Variants in ANKRD62 observed in about 807,000 individuals in gnomAD.
The protein encoded by ANKRD62 is ankyrin repeat domain 62.
ANKRD62 carries 61 observed loss-of-function variants against 98.8 expected under a neutral mutation model. That is an observed-to-expected ratio of 0.62 (90% CI 0.50 to 0.76). The LOEUF is 0.76. Ranked by LOEUF, ANKRD62 falls within the 30% of genes least tolerant of loss-of-function variation. The pLI, the probability that ANKRD62 is intolerant of heterozygous loss-of-function variation, is 0.00. For synonymous variants in ANKRD62, 341 were observed against 367.9 expected, an observed-to-expected ratio of 0.93 and a Z score of 0.84; for missense variants, 933 against 1,082.9, an observed-to-expected ratio of 0.86 and a Z score of 1.94.
At chr18:12,117,768 C>T (rs537128757) in intron 10 of ANKRD62, among the ~76,000 whole-genome samples, 1 of 152,232 alleles carries the variant, frequency 6.6e-6, no homozygotes, top group Admixed American at 6.5e-5. Context: ...CAAATAACAA[C>T]GATGTTTGAA....
Position 12,125,786 on chromosome 18 carries a change from A to G in ANKRD62, c.1965A>G (p.Ser655=). ...CAAGACTGGAAACAGAAATGGAATC[A>G]TACCGTTGTAGACTGGCTGCTGCCC... is the stretch of plus-strand genomic sequence containing the variant. ...SMSRLETEME[S]YRCRLAAALC... Residue 655 remains serine, a synonymous_variant, in exon 13 of 14, where the codon TCA becomes TCG. Coordinates refer to ENST00000587848, the MANE Select transcript of ANKRD62 (RefSeq NM_001277333.2). 1 of 1,549,352 alleles carries G rather than the reference A, an allele frequency of 6.5e-7. No homozygotes were observed. Among genetic ancestry groups the G allele is most frequent in the Non-Finnish European group, 8.7e-7 (1 of 1,147,068 alleles).
chr18:12,107,146 A>G (rs1318480485), intron 7 of ANKRD62, 149 bp from the exon 8 acceptor site: 3 of 262,868 alleles, frequency 1.1e-5, no homozygotes, highest in Non-Finnish European at 2.1e-5. Context: ...ATATAATTAT[A>G]TATAATGAAA....
At chr18:12,114,833 G>C (rs763052351) in intron 8 of ANKRD62, among the ~76,000 whole-genome samples, 1 of 151,810 alleles carries the variant, frequency 6.6e-6, no homozygotes, top group Non-Finnish European at 1.5e-5. Context: ...TTGATGATCA[G>C]AAAGCTTGAT....
chr18:12,099,651 G>A lies in ANKRD62; in HGVS notation c.789G>A (p.Lys263=). ...RGMISEYKAN[K]RCKSLQNSNS... The stretch of plus-strand genomic sequence containing the variant: ...TGATTTCTGAATATAAAGCAAACAA[G>A]AGATGTAAAAGTCTTCAAAATAGCA... Residue 263 remains lysine (K), a synonymous_variant, in exon 6 of 14, where the codon AAG becomes AAA. Transcript: ENST00000587848. The A allele has an allele frequency of 6.7e-7, 1 of 1,495,362 alleles. No homozygotes were observed. Among genetic ancestry groups the A allele is most frequent in the South Asian group, 1.3e-5 (1 of 76,254 alleles). 92.6% of individuals were successfully genotyped at this position (1,495,362 alleles called of 1,614,324 possible).
downstream of ANKRD62, among the ~76,000 whole-genome samples, chr18:12,132,247 C>T (rs1910016660): frequency 6.6e-6 from 1 of 151,902 alleles, no homozygotes; most frequent in South Asian, 2.1e-4. Context: ...TATAGAATTA[C>T]GATTGATTTT....
At chr18:12,101,076 C>G (rs1598730620) in intron 6 of ANKRD62, among the ~76,000 whole-genome samples, 1 of 152,132 alleles carries the variant, frequency 6.6e-6, no homozygotes, top group Non-Finnish European at 1.5e-5. Context: ...CAGCACTCTC[C>G]CATAAGCTTT....
chr18:12,160,636 A>AT, the ANKRD62 span, among the ~76,000 whole-genome samples: 1 of 152,176 alleles, frequency 6.6e-6, no homozygotes, highest in African/African-American at 2.4e-5. Flanking sequence ...ATCATAATCC[A>AT]TTTTTTGTTT....
At chr18:12,107,783 G>A (rs922957456) in intron 8 of ANKRD62, among the ~76,000 whole-genome samples, 6 of 152,052 alleles carry the variant, frequency 3.9e-5, no homozygotes. Flanking sequence ...ATATCATTTC[G>A]TTAACCTGAC....
At chr18:12,173,319 G>T in the ANKRD62 span, among the ~76,000 whole-genome samples, 5 of 152,120 alleles carry the variant, frequency 3.3e-5, no homozygotes, top group Admixed American at 1.3e-4. Context: ...TGCAACCCTT[G>T]CTTTTTTCTG....
chr18:12,115,516 A>G lies in ANKRD62; in HGVS notation c.1222A>G (p.Ser408Gly). 1 of 1,536,430 alleles carries G rather than the reference A, an allele frequency of 6.5e-7. No homozygotes were observed. Among genetic ancestry groups the G allele is most frequent in the Non-Finnish European group, 8.7e-7 (1 of 1,145,858 alleles). ...GAATTTTATGTTACTCATTGAACAA[A>G]GTGGAATGGAGTGTAAAGGTAGGAC... is the stretch of plus-strand genomic sequence containing the variant. ...DENFMLLIEQ[S>G]GMECKDFVSL... The change falls in exon 10 of 14, where the codon AGT (serine) becomes GGT (glycine). Residue 408 changes from serine to glycine, a missense_variant. By Grantham distance (56) the Ser-to-Gly change is moderately conservative. Around this residue, in one of 3 missense-constraint regions of ANKRD62, gnomAD observed 549 missense variants for 587.9 expected, o/e 0.93. Coordinates refer to ENST00000587848, the MANE Select transcript of ANKRD62 (RefSeq NM_001277333.2).
chr18:12,134,619 G>A (rs138179797), downstream of ANKRD62, among the ~76,000 whole-genome samples: 510 of 152,230 alleles, frequency 3.4e-3, 2 homozygotes, highest in African/African-American at 0.011. Context: ...GTGAGAACAT[G>A]CGGTGTTTGG....
chr18:12,164,756 A>G, the ANKRD62 span, among the ~76,000 whole-genome samples: 1 of 151,924 alleles, frequency 6.6e-6, no homozygotes, highest in Non-Finnish European at 1.5e-5. Context: ...GTTCTTCAGG[A>G]ACATATTGTT....
rs934053885 is a variant in ANKRD62, at chr18:12,107,573, G to A, written c.1064+106G>A. ...ATTAACAAATTTTATACTTTTATGA[G>A]GAATATTCTGCCTTGCCTGGTAATC... On this transcript the variant is annotated intron_variant, in intron 8 of 13. Coordinates refer to ENST00000587848, the MANE Select transcript of ANKRD62 (RefSeq NM_001277333.2). 5 of 891,574 alleles carry A rather than the reference G, an allele frequency of 5.6e-6. No homozygotes were observed. In the African/African-American group the frequency reaches 6.9e-5, roughly 12 times the overall value. 55.2% of individuals were successfully genotyped at this position (891,574 alleles called of 1,614,324 possible).
intron 8 of ANKRD62, 125 bp from the exon 9 acceptor site, chr18:12,114,950 AAAACATTACCTGT>A: frequency 1.4e-6 from 1 of 691,728 alleles, no homozygotes; most frequent in Non-Finnish European, 2.0e-6. Flanking sequence ...ATCACCTGTA[AAAACATTACCTGT>A]AAACATTATA....
chr18:12,161,428 A>G, the ANKRD62 span, among the ~76,000 whole-genome samples: 1 of 152,008 alleles, frequency 6.6e-6, no homozygotes, highest in Non-Finnish European at 1.5e-5. Context: ...TAGTAGGTAT[A>G]TATATTTGTT....
the ANKRD62 span, among the ~76,000 whole-genome samples, chr18:12,150,505 T>C: frequency 6.6e-6 from 1 of 152,012 alleles, no homozygotes; most frequent in Non-Finnish European, 1.5e-5. Flanking sequence ...AATCATCAGA[T>C]TTTCCAAGGT....
chr18:12,135,444 G>A, the ANKRD62 span, among the ~76,000 whole-genome samples: 4 of 151,270 alleles, frequency 2.6e-5, no homozygotes, highest in African/African-American at 9.8e-5. Context: ...GTCTATCATT[G>A]TTGGACACTT....
chr18:12,107,309 G>T lies in ANKRD62; in HGVS notation c.906G>T (p.Met302Ile). 1 of 1,490,404 alleles carries T rather than the reference G, an allele frequency of 6.7e-7. No individual in the cohort carries two copies. 92.3% of individuals were successfully genotyped at this position (1,490,404 alleles called of 1,614,324 possible). The change falls in exon 8 of 14, where the codon ATG (methionine) becomes ATT (isoleucine). Residue 302 changes from methionine (M) to isoleucine (I), a missense_variant. Physicochemically the swap from Met to Ile is conservative, Grantham distance 10 (BLOSUM62 1). Transcript: ENST00000587848. Reference protein sequence around the residue: ...ESSQPQVEEKMKKCRNKKMEV... With the variant: ...ESSQPQVEEKIKKCRNKKMEV... The stretch of plus-strand genomic sequence containing the variant: ...TTTCATTGAAGGTTGAAGAAAAAAT[G>T]AAGAAATGCAGAAATAAGAAAATGG...
At chr18:12,136,940 G>T in the ANKRD62 span, among the ~76,000 whole-genome samples, 1 of 152,048 alleles carries the variant, frequency 6.6e-6, no homozygotes, top group Admixed American at 6.6e-5. Context: ...AGCTTAAGGA[G>T]ATTTTGGGCT....
Sources: allele counts gnomAD v4.1 joint callset (sites outside exome capture counted in the v4.1 genomes callset), GRCh38; gene constraint gnomAD v4.1.1; regional missense constraint gnomAD v4.1.1; transcripts MANE v1.5; gene names NCBI Gene and HGNC (gene_info 2026-07-23, HGNC 2026-07-21).